Variants in MAPRE1 observed in about 807,000 individuals in gnomAD.
The protein encoded by MAPRE1 is microtubule-associated protein RP/EB family member 1.
A neutral mutation model predicts 32.1 loss-of-function variants in MAPRE1; 5 were observed. The observed-to-expected ratio is 0.16, with a 90% CI of 0.08 to 0.33. MAPRE1 has a LOEUF of 0.33. Among genes scored for constraint, MAPRE1 ranks in the 10% least tolerant of loss-of-function variants. The probability of loss-of-function intolerance (pLI) is 1.00; values close to 1 mark genes in which losing one functional copy is unlikely to be tolerated. For missense variants in MAPRE1, 209 were observed against 327.2 expected, an observed-to-expected ratio of 0.64 and a Z score of 2.79; for synonymous variants, 122 against 118.9, an observed-to-expected ratio of 1.03 and a Z score of -0.17.
At chr20:32,829,745 G>T (rs549700842) in intron 2 of MAPRE1, among the ~76,000 whole-genome samples, 1 of 152,368 alleles carries the variant, frequency 6.6e-6, no homozygotes, top group African/African-American at 2.4e-5. Context: ...TTTGTCAGCA[G>T]TGGGCTCTCC....
chr20:32,835,787 G>A (rs934665395), intron 3 of MAPRE1, among the ~76,000 whole-genome samples: 2 of 151,662 alleles, frequency 1.3e-5, no homozygotes, highest in Non-Finnish European at 2.9e-5. Flanking sequence ...TGTATTTTTA[G>A]TAGAGACAGG....
intron 2 of MAPRE1, among the ~76,000 whole-genome samples, chr20:32,827,633 G>A (rs934222253): frequency 2.0e-5 from 3 of 151,812 alleles, no homozygotes; most frequent in African/African-American, 7.3e-5. Flanking sequence ...GTGGTGGCTC[G>A]TGCCTGTAAT....
chr20:32,836,826 A>C lies in MAPRE1; in HGVS notation c.460A>C (p.Thr154Pro), dbSNP rs764603778. The C allele has an allele frequency of 5.6e-6, 9 of 1,607,494 alleles. No homozygotes were observed. Residue 154 changes from threonine to proline, a missense_variant, in exon 4 of 7, where the codon ACT becomes CCT. By Grantham distance (38) the Thr-to-Pro change is conservative (BLOSUM62 -1). Coordinates refer to ENST00000375571, the MANE Select transcript of MAPRE1 (RefSeq NM_012325.3). The stretch of plus-strand genomic sequence containing the variant: ...TCTGAATAAACCGAAGAAACCTCTC[A>C]CTTCTAGCAGTGCAGGTAAAAAAAC... The part of the protein sequence containing the change: ...PALNKPKKPL[T>P]SSSAAPQRPI...
intron 5 of MAPRE1, among the ~76,000 whole-genome samples, chr20:32,842,777 C>T (rs1983399514): frequency 6.6e-6 from 1 of 152,132 alleles, no homozygotes; most frequent in Non-Finnish European, 1.5e-5. Context: ...TTGGTGCCTG[C>T]CTGTGTTCAA....
Position 32,836,750 on chromosome 20 carries a change from T to TA in MAPRE1, c.384_385insA (p.Ala129SerfsTer20). 1 of 1,614,014 alleles carries TA rather than the reference T, an allele frequency of 6.2e-7. No individual in the cohort carries two copies. The stretch of plus-strand genomic sequence containing the variant: ...ATGGAAAAGACTATGACCCTGTGGC[T>TA]GCCAGACAAGGTCAAGAAACTGCAG... On this transcript the variant is annotated frameshift_variant, in exon 4 of 7. Transcript: ENST00000375571. LOFTEE classifies it high-confidence loss of function.
rs941296121 is a variant in MAPRE1 at position 32,849,288 on chromosome 20, C to T, written c.*560C>T. 2 of 152,202 alleles carry T rather than the reference C, an allele frequency of 1.3e-5. No homozygotes were observed. Among genetic ancestry groups the T allele is most frequent in the African/African-American group, 4.8e-5 (2 of 41,422 alleles). 9.4% of individuals were successfully genotyped at this position (152,202 alleles called of 1,614,324 possible). A position where few individuals can be genotyped will look rare whatever the true frequency, so the allele number is the denominator to read the frequency against. ...CAGGGCTGCTTGAACCCTCATAGGC[C>T]TAGGCTTTGGTCTAAAAGGAACATT... On this transcript the variant is annotated 3_prime_UTR_variant, in exon 7 of 7. Transcript: ENST00000375571.
At chr20:32,846,869 A>G in intron 6 of MAPRE1, 99 bp downstream of exon 6, 2 of 1,323,068 alleles carry the variant, frequency 1.5e-6, no homozygotes, top group African/African-American at 1.4e-5. Flanking sequence ...GCATTCATCA[A>G]AAGACTTCAT....
chr20:32,832,577 CCTT>C (rs1289473953), intron 2 of MAPRE1, among the ~76,000 whole-genome samples: 3 of 150,928 alleles, frequency 2.0e-5, no homozygotes, highest in African/African-American at 4.9e-5. Flanking sequence ...AAGTGATCCT[CCTT>C]CTTCAGCCTC....
chr20:32,840,125 G>T (rs957701003), intron 5 of MAPRE1, among the ~76,000 whole-genome samples: 1 of 152,218 alleles, frequency 6.6e-6, no homozygotes, highest in African/African-American at 2.4e-5. Context: ...TTTCTGGAAT[G>T]CTGCCAGGGA....
chr20:32,841,170 GGGAGT>G (rs1983350134), intron 5 of MAPRE1, among the ~76,000 whole-genome samples: 1 of 152,180 alleles, frequency 6.6e-6, no homozygotes, highest in African/African-American at 2.4e-5. Context: ...TAGGTGCCTT[GGGAGT>G]GTCCAGGTGA....
At chr20:32,820,276 G>A (rs1982654524) in intron 1 of MAPRE1, among the ~76,000 whole-genome samples, 1 of 152,010 alleles carries the variant, frequency 6.6e-6, no homozygotes, top group Non-Finnish European at 1.5e-5. Flanking sequence ...GCGGGGTGGG[G>A]GTTTCTGGGC....
chr20:32,826,236 T>TTTTTTTTTTTTTTTGA (rs1491215602), intron 2 of MAPRE1, among the ~76,000 whole-genome samples, 188 bp downstream of exon 2: 2 of 104,986 alleles, frequency 1.9e-5, no homozygotes, highest in African/African-American at 7.9e-5. Flanking sequence ...TTTTTTTTTT[T>TTTTTTTTTTTTTTTGA]GACAGAGTCT....
In MAPRE1 at chr20:32,825,905, C is replaced by G. The variant is rs779847451; in HGVS notation, c.-3-20C>G. ...TGCCTAATGTAACACAGGCCCTTCT[C>G]TTTTCTTCCCATGCTTTAGAAGATG... is the stretch of plus-strand genomic sequence containing the variant. On this transcript the variant is annotated intron_variant, in intron 1 of 6. Transcript: ENST00000375571. 7.6e-6 allele frequency: 12 copies of G among 1,571,142 alleles called. No homozygotes were observed. Among genetic ancestry groups the G allele is most frequent in the Middle Eastern group, 1.8e-4 (1 of 5,622 alleles).
intron 6 of MAPRE1, 84 bp downstream of exon 6, chr20:32,846,854 G>A: frequency 1.4e-6 from 2 of 1,424,366 alleles, no homozygotes; most frequent in South Asian, 1.2e-5. Context: ...TTGTATTCCA[G>A]TGTTGCATTC....
intron 1 of MAPRE1, among the ~76,000 whole-genome samples, chr20:32,822,812 C>G (rs1201394665): frequency 1.3e-5 from 2 of 151,976 alleles, no homozygotes; most frequent in Admixed American, 1.3e-4. Flanking sequence ...AAATCTGGCT[C>G]GAGAATGGTT....
intron 6 of MAPRE1, among the ~76,000 whole-genome samples, chr20:32,847,938 A>G (rs574557179): frequency 1.2e-4 from 18 of 152,328 alleles, no homozygotes; most frequent in African/African-American, 4.1e-4. Context: ...GCTCCTAAGT[A>G]TAACAAAAGG....
intron 2 of MAPRE1, among the ~76,000 whole-genome samples, chr20:32,828,574 C>G (rs1233752224): frequency 6.6e-6 from 1 of 152,236 alleles, no homozygotes; most frequent in Non-Finnish European, 1.5e-5. Context: ...AGTTCTTCAT[C>G]TGTGAACTGG....
In MAPRE1 at chr20:32,846,577, A is replaced by G. The variant is rs757180024; in HGVS notation, c.598-41A>G. 2.5e-6 allele frequency: 4 copies of G among 1,600,238 alleles called. No individual in the cohort carries two copies. In the South Asian group the frequency reaches 3.3e-5, roughly 13 times the overall value. The stretch of plus-strand genomic sequence containing the variant: ...AGTCTGCCTGATATTTTATTGCCAT[A>G]CTAATGCCAAGCATCTCACCCTTTT... On this transcript the variant is annotated intron_variant, in intron 5 of 6. Coordinates refer to ENST00000375571, the MANE Select transcript of MAPRE1 (RefSeq NM_012325.3).
chr20:32,846,612 G>A lies in MAPRE1; in HGVS notation c.598-6G>A, dbSNP rs112403438. The stretch of plus-strand genomic sequence containing the variant: ...AGCATCTCACCCTTTTTAATGTCTT[G>A]TGCAGGTCAACGTATTGAAACTTAC... On this transcript the variant is annotated splice_polypyrimidine_tract_variant and splice_region_variant and intron_variant, in intron 5 of 6. Coordinates refer to ENST00000375571, the MANE Select transcript of MAPRE1 (RefSeq NM_012325.3). 134 of 1,613,642 alleles carry A rather than the reference G, an allele frequency of 8.3e-5. No homozygotes were observed. The African/African-American group carries it at 1.5e-3, about 18-fold the overall frequency.
Sources: allele counts gnomAD v4.1 joint callset (sites outside exome capture counted in the v4.1 genomes callset), GRCh38; gene constraint gnomAD v4.1.1; transcripts MANE v1.5; gene names NCBI Gene and HGNC (gene_info 2026-07-23, HGNC 2026-07-21).